ISM1: variants seen among roughly 807,000 people sequenced by gnomAD.
ISM1 encodes the protein isthmin 1, also known as isthmin-1.
Under a neutral mutation model 46.3 loss-of-function variants are expected in ISM1, and 25 were observed. The observed-to-expected ratio is 0.54, with a 90% confidence interval of 0.39 to 0.75. The LOEUF (loss-of-function observed/expected upper bound fraction) is 0.75, where lower values mean the gene tolerates loss of function less well. Ranked by LOEUF, ISM1 falls within the 30% of genes least tolerant of loss-of-function variation. The pLI is 0.00. For synonymous variants in ISM1, 255 were observed against 256.7 expected (o/e 0.99, Z 0.06); for missense variants, 536 against 625.4 (o/e 0.86, Z 1.52).
chr20:13,270,386 A>T, intron 1 of ISM1, 118 bp from the exon 2 acceptor site: 1 of 1,164,838 alleles, frequency 8.6e-7, no homozygotes, highest in Non-Finnish European at 1.2e-6. Context: ...GGAATGCCCT[A>T]CTGGCTTAAT....
At chr20:13,293,951 G>T (rs1014854298) in intron 5 of ISM1, among the ~76,000 whole-genome samples, 18 of 151,552 alleles carry the variant, frequency 1.2e-4, no homozygotes, top group South Asian at 2.1e-4. Context: ...TCCAGCTTGG[G>T]CAACAAGAGT....
At chr20:13,279,501 A>C in intron 2 of ISM1, 133 bp from the exon 3 acceptor site, 1 of 848,862 alleles carries the variant, frequency 1.2e-6, no homozygotes, top group Non-Finnish European at 1.8e-6. Context: ...GTGTATCGCC[A>C]TGCAATCTCA....
At chr20:13,253,507 T>G in intron 1 of ISM1, among the ~76,000 whole-genome samples, 1 of 152,196 alleles carries the variant, frequency 6.6e-6, no homozygotes, top group East Asian at 1.9e-4. Flanking sequence ...TGATAGCTCC[T>G]TACCGACTAT....
At chr20:13,222,625 T>C (rs2123113173) in intron 1 of ISM1, among the ~76,000 whole-genome samples, 1 of 152,306 alleles carries the variant, frequency 6.6e-6, no homozygotes, top group Middle Eastern at 3.4e-3. Flanking sequence ...ATCTTCCCCG[T>C]TGAAGGTCGC....
chr20:13,317,660 T>G, the ISM1 span, among the ~76,000 whole-genome samples: 1 of 152,086 alleles, frequency 6.6e-6, no homozygotes, highest in Non-Finnish European at 1.5e-5. Flanking sequence ...CAGTTGACCT[T>G]TGACAAGGGA....
chr20:13,240,190 A>G (rs776164852), intron 1 of ISM1, among the ~76,000 whole-genome samples: 5 of 152,242 alleles, frequency 3.3e-5, no homozygotes, highest in African/African-American at 7.2e-5. Context: ...ATCAGCAGAT[A>G]TTGTGCTAGG....
chr20:13,236,424 A>C (rs1311154283), intron 1 of ISM1, among the ~76,000 whole-genome samples: 1 of 152,100 alleles, frequency 6.6e-6, no homozygotes, highest in Non-Finnish European at 1.5e-5. Flanking sequence ...TGGGAGAAAC[A>C]ATTCGGTTGA....
chr20:13,288,418 C>T, intron 3 of ISM1, 122 bp from the exon 4 acceptor site: 1 of 1,071,154 alleles, frequency 9.3e-7, no homozygotes, highest in Admixed American at 2.5e-5. Context: ...CTGAAAAGTC[C>T]TCTCCAGCAA....
At chr20:13,228,219 C>A (rs568028814) in intron 1 of ISM1, among the ~76,000 whole-genome samples, 1 of 151,940 alleles carries the variant, frequency 6.6e-6, no homozygotes, top group Non-Finnish European at 1.5e-5. Context: ...GTGATCTGCC[C>A]GTCCTGGCCT....
chr20:13,255,431 C>G (rs2039916139), intron 1 of ISM1, among the ~76,000 whole-genome samples: 1 of 151,924 alleles, frequency 6.6e-6, no homozygotes, highest in African/African-American at 2.4e-5. Flanking sequence ...AAGTAAATGT[C>G]TAATAATTTA....
intron 1 of ISM1, among the ~76,000 whole-genome samples, chr20:13,225,052 A>T (rs2039503954): frequency 6.8e-6 from 1 of 147,654 alleles, no homozygotes; most frequent in African/African-American, 2.5e-5. Flanking sequence ...ACGGGGTTTC[A>T]CCGTGTTAGC....
intron 1 of ISM1, among the ~76,000 whole-genome samples, chr20:13,248,568 AGC>A (rs1369841507): frequency 6.6e-6 from 1 of 152,204 alleles, no homozygotes; most frequent in Non-Finnish European, 1.5e-5. Flanking sequence ...TTACCTCTTG[AGC>A]CAGGCCTCAT....
At chr20:13,254,465 G>A (rs563319717) in intron 1 of ISM1, among the ~76,000 whole-genome samples, 10 of 151,672 alleles carry the variant, frequency 6.6e-5, no homozygotes, top group Non-Finnish European at 1.2e-4. Flanking sequence ...CCTGCCCCCC[G>A]CATCTCCTGC....
At chr20:13,298,626 C>T (rs1002848603) in intron 5 of ISM1, among the ~76,000 whole-genome samples, 3 of 152,052 alleles carry the variant, frequency 2.0e-5, no homozygotes, top group Non-Finnish European at 4.4e-5. Context: ...TATGGGTAGT[C>T]ATTGTATAAG....
At chr20:13,230,951 T>C (rs769159589) in intron 1 of ISM1, among the ~76,000 whole-genome samples, 25 of 152,232 alleles carry the variant, frequency 1.6e-4, no homozygotes, top group Non-Finnish European at 2.9e-4. Context: ...AGTGTTTCTC[T>C]TGGGACTAAG....
chr20:13,273,112 G>T (rs1008298505), intron 2 of ISM1, among the ~76,000 whole-genome samples: 1 of 152,144 alleles, frequency 6.6e-6, no homozygotes, highest in African/African-American at 2.4e-5. Context: ...CTTTGTGCTT[G>T]AACCCAATTT....
the ISM1 span, among the ~76,000 whole-genome samples, chr20:13,323,367 T>G: frequency 6.6e-6 from 1 of 152,274 alleles, no homozygotes; most frequent in East Asian, 1.9e-4. Flanking sequence ...GGAATCACAC[T>G]GCAAAGGTAG....
At chr20:13,322,683 G>A in the ISM1 span, among the ~76,000 whole-genome samples, 6 of 152,194 alleles carry the variant, frequency 3.9e-5, no homozygotes, top group Non-Finnish European at 7.3e-5. Context: ...GAAGGAGACA[G>A]GATAAGGAAT....
At chr20:13,258,574 T>A (rs1568674017) in intron 1 of ISM1, among the ~76,000 whole-genome samples, 1 of 152,184 alleles carries the variant, frequency 6.6e-6, no homozygotes, top group Non-Finnish European at 1.5e-5. Context: ...ACATGTTCTC[T>A]GTTGAACATC....
Sources: gnomAD v4.1 joint callset for allele counts (sites outside exome capture counted in the v4.1 genomes callset) on GRCh38, gnomAD v4.1.1 for gene constraint, MANE v1.5 for transcripts, NCBI Gene and HGNC (gene_info 2026-07-23, HGNC 2026-07-21) for gene names.